Variants in IL1RAPL1 observed in about 807,000 individuals in gnomAD.
IL1RAPL1 encodes the protein interleukin 1 receptor accessory protein like 1.
In IL1RAPL1, 3 loss-of-function variants were observed where a neutral mutation model predicts 48.4. That is an observed-to-expected ratio of 0.06 (90% CI 0.03 to 0.16). IL1RAPL1 has a LOEUF of 0.16. IL1RAPL1 is among the 10% of genes least tolerant of loss of function. The pLI, the probability that IL1RAPL1 is intolerant of heterozygous loss-of-function variation, is 1.00. For synonymous variants in IL1RAPL1, 185 were observed against 187.7 expected (o/e 0.99, Z 0.12); for missense variants, 349 against 530.6 (o/e 0.66, Z 3.36).
At chrX:28,799,371 T>G (rs780728594) in intron 2 of IL1RAPL1, among the ~76,000 whole-genome samples, 1 of 112,503 alleles carries the variant, frequency 8.9e-6, no homozygotes, top group African/African-American at 3.2e-5. Flanking sequence ...ATATTTTGGC[T>G]GAGATATTTA....
rs760058718 is a variant in IL1RAPL1, at chrX:28,898,861, C to T, written c.82+109436C>T. Among the ~76,000 whole-genome samples, 5 of 110,046 alleles carry T rather than the reference C, an allele frequency of 4.5e-5. No individual in the cohort carries two copies. The South Asian group carries it at 1.6e-3, about 35-fold the overall frequency. ...CTAGAGTGCAGTGTTGTGATCATGG[C>T]TCACTACAGACTTGACCTCCTGGGC... On this transcript the variant is annotated intron_variant, in intron 2 of 10. Transcript: ENST00000378993.
chrX:29,566,183 C>CA (rs777428326), intron 5 of IL1RAPL1, among the ~76,000 whole-genome samples: 1 of 111,972 alleles, frequency 8.9e-6, no homozygotes, highest in African/African-American at 3.2e-5. Flanking sequence ...TCGTGATCCA[C>CA]CCACCTTGGC....
intron 2 of IL1RAPL1, among the ~76,000 whole-genome samples, chrX:29,121,560 C>T (rs895421772): frequency 9.0e-6 from 1 of 111,577 alleles, no homozygotes; most frequent in Non-Finnish European, 1.9e-5. Flanking sequence ...GTATCATTGA[C>T]TATGCAGAAA....
chrX:29,712,956 C>G (rs768409307), intron 6 of IL1RAPL1, among the ~76,000 whole-genome samples: 45 of 111,993 alleles, frequency 4.0e-4, no homozygotes, highest in Non-Finnish European at 6.0e-4. Flanking sequence ...AGAAGAACCA[C>G]TAAACTGTTA....
In IL1RAPL1 at chrX:28,955,473, GATCCAGTTTCAGCTTTCTACATAGGGCT is replaced by G. The variant is rs752187627; in HGVS notation, c.82+166050_82+166077del. Among the ~76,000 whole-genome samples the G allele has an allele frequency of 4.4e-3, 483 of 110,738 alleles. 4 individuals are homozygous for G. Among genetic ancestry groups the G allele is most frequent in the African/African-American group, 0.015 (454 of 30,424 alleles). ...AATCTTGTATAAGGTATAAGGAAGG[GATCCAGTTTCAGCTTTCTACATAGGGCT>G]AGCCAGTTTTCCCAGCACCATTTAT... On this transcript the variant is annotated intron_variant, in intron 2 of 10. Transcript: ENST00000378993.
chrX:29,041,520 T>A (rs1926846075), intron 2 of IL1RAPL1, among the ~76,000 whole-genome samples: 1 of 112,116 alleles, frequency 8.9e-6, no homozygotes, highest in Non-Finnish European at 1.9e-5. Flanking sequence ...CGATGATGTG[T>A]TGTTTTAAAG....
intron 5 of IL1RAPL1, among the ~76,000 whole-genome samples, chrX:29,484,882 CAACATTA>C (rs1191100001): frequency 9.0e-6 from 1 of 111,626 alleles, no homozygotes; most frequent in Non-Finnish European, 1.9e-5. Context: ...GGGGAAGGAA[CAACATTA>C]AGTAGGATAA....
In IL1RAPL1 at chrX:29,634,141, A is replaced by G. The variant is rs55868613; in HGVS notation, c.704-34289A>G. Among the ~76,000 whole-genome samples, 607 of 112,344 alleles carry G rather than the reference A, an allele frequency of 5.4e-3. 1 individual carries two copies. Among genetic ancestry groups the G allele is most frequent in the Non-Finnish European group, 8.2e-3 (439 of 53,304 alleles). On this transcript the variant is annotated intron_variant, in intron 5 of 10. Transcript: ENST00000378993. ...GATATTACTTGATTCAGCAAAATGC[A>G]GGAATTAAAGTTAGTTGCCAGTGCG... is the stretch of plus-strand genomic sequence containing the variant.
intron 2 of IL1RAPL1, among the ~76,000 whole-genome samples, chrX:29,110,197 A>G (rs1419594812): frequency 8.9e-6 from 1 of 112,196 alleles, no homozygotes; most frequent in African/African-American, 3.2e-5. Context: ...CCTTTATATC[A>G]GTAAGCCATT....
At chrX:29,371,516 G>A (rs1933545623) in intron 3 of IL1RAPL1, among the ~76,000 whole-genome samples, 1 of 111,601 alleles carries the variant, frequency 9.0e-6, no homozygotes, top group Non-Finnish European at 1.9e-5. Context: ...GTGATGATAA[G>A]ATTGGGGTAT....
At chrX:28,951,318 T>G (rs751883927) in intron 2 of IL1RAPL1, among the ~76,000 whole-genome samples, 1 of 109,370 alleles carries the variant, frequency 9.1e-6, no homozygotes, top group African/African-American at 3.3e-5. Context: ...CTCACCAAAA[T>G]TTATAGACTT....
chrX:29,297,161 T>C (rs951664025), intron 3 of IL1RAPL1, among the ~76,000 whole-genome samples: 6 of 112,233 alleles, frequency 5.3e-5, no homozygotes, highest in Non-Finnish European at 9.4e-5. Flanking sequence ...GAAAATGTTT[T>C]ATATTGTTCT....
chrX:28,621,830 G>A (rs1387372863), intron 1 of IL1RAPL1, among the ~76,000 whole-genome samples: 2 of 111,592 alleles, frequency 1.8e-5, no homozygotes, highest in Admixed American at 9.6e-5. Context: ...CCATATTTCA[G>A]TGGTTCAATA....
chrX:28,742,541 A>G, intron 1 of IL1RAPL1, among the ~76,000 whole-genome samples: 1 of 112,012 alleles, frequency 8.9e-6, no homozygotes, highest in Non-Finnish European at 1.9e-5. Context: ...ATTATGTAGT[A>G]GAAAACACAA....
chrX:29,414,160 ATAGAG>A (rs1398923684), intron 5 of IL1RAPL1, among the ~76,000 whole-genome samples: 5 of 111,247 alleles, frequency 4.5e-5, no homozygotes, highest in Non-Finnish European at 9.4e-5. Context: ...GAGACAGAAA[ATAGAG>A]TAGAGATTAT....
intron 2 of IL1RAPL1, among the ~76,000 whole-genome samples, chrX:28,900,530 A>G (rs1197422991): frequency 8.9e-6 from 1 of 112,163 alleles, no homozygotes; most frequent in Non-Finnish European, 1.9e-5. Flanking sequence ...GTTAGGAGAG[A>G]GAAAATGTTT....
chrX:28,860,463 C>CTT (rs760928051), intron 2 of IL1RAPL1, among the ~76,000 whole-genome samples: 1 of 99,214 alleles, frequency 1.0e-5, no homozygotes, highest in Non-Finnish European at 2.1e-5. Context: ...ATTTTCTTTT[C>CTT]TTTTTTTTTT....
intron 6 of IL1RAPL1, among the ~76,000 whole-genome samples, chrX:29,752,361 C>T (rs1420206811): frequency 2.8e-5 from 3 of 106,456 alleles, no homozygotes; most frequent in East Asian, 3.0e-4. Context: ...TCAGGCGTTG[C>T]GGCATGCGCC....
chrX:29,513,388 ATTTT>A (rs1401283520), intron 5 of IL1RAPL1, among the ~76,000 whole-genome samples: 1 of 111,861 alleles, frequency 8.9e-6, no homozygotes, highest in Non-Finnish European at 1.9e-5. Flanking sequence ...ATATTATATT[ATTTT>A]TAAGTAATAA....
Sources: gnomAD v4.1 joint callset for allele counts (sites outside exome capture counted in the v4.1 genomes callset) on GRCh38, gnomAD v4.1.1 for gene constraint, MANE v1.5 for transcripts, NCBI Gene and HGNC (gene_info 2026-07-23, HGNC 2026-07-21) for gene names.